Variants in ARMH4 observed in about 807,000 individuals in gnomAD.
ARMH4 encodes armadillo-like helical domain-containing protein 4.
Under a neutral mutation model 61.9 loss-of-function variants are expected in ARMH4, and 49 were observed. The observed-to-expected ratio is 0.79, with a 90% CI of 0.63 to 1.00. ARMH4 has a LOEUF of 1.00. Ranked by LOEUF, ARMH4 falls within the 50% of genes least tolerant of loss-of-function variation. ARMH4 has a pLI of 0.00. For synonymous variants in ARMH4, 368 were observed against 341.5 expected (o/e 1.08, Z -0.85); for missense variants, 934 against 930.0 (o/e 1.00, Z -0.06).
At chr14:58,042,923 A>G in intron 5 of ARMH4, among the ~76,000 whole-genome samples, 1 of 151,934 alleles carries the variant, frequency 6.6e-6, no homozygotes, top group East Asian at 1.9e-4. Flanking sequence ...AATAGAGACA[A>G]CTTCTCTATT....
chr14:58,126,196 T>C (rs746117373), intron 4 of ARMH4, among the ~76,000 whole-genome samples: 5 of 152,164 alleles, frequency 3.3e-5, no homozygotes, highest in Non-Finnish European at 7.4e-5. Flanking sequence ...ACTTAAACAA[T>C]GTATTTCCCA....
intron 4 of ARMH4, among the ~76,000 whole-genome samples, chr14:58,107,285 A>G (rs1886193865): frequency 6.6e-6 from 1 of 152,184 alleles, no homozygotes; most frequent in Admixed American, 6.5e-5. Context: ...CCTGTTCCCC[A>G]ACATCTGCTG....
intron 6 of ARMH4, among the ~76,000 whole-genome samples, chr14:58,009,366 G>A (rs538719141): frequency 1.4e-4 from 22 of 152,100 alleles, no homozygotes; most frequent in East Asian, 5.8e-4. Flanking sequence ...GCTAGAATAC[G>A]CACATAGCTA....
chr14:58,004,884 T>G, intron 7 of ARMH4, 80 bp from the exon 8 acceptor site: 1 of 1,539,708 alleles, frequency 6.5e-7, no homozygotes, highest in Non-Finnish European at 8.9e-7. Flanking sequence ...TTAAAAGACA[T>G]GCTAACAAAC....
At chr14:58,095,735 G>A (rs1390458515) in intron 5 of ARMH4, among the ~76,000 whole-genome samples, 1 of 152,142 alleles carries the variant, frequency 6.6e-6, no homozygotes, top group Non-Finnish European at 1.5e-5. Context: ...AATCTATAGA[G>A]TGCAACTCCC....
At chr14:58,141,553 G>A (rs759134451) in intron 1 of ARMH4, 108 of 516,544 alleles carry the variant, frequency 2.1e-4, no homozygotes, top group Non-Finnish European at 3.6e-4. Flanking sequence ...ATACAACTGC[G>A]ACGAGATGAT....
rs62003316 is a variant in ARMH4, at chr14:58,051,170, G to A, written c.2090-39020C>T. Among the ~76,000 whole-genome samples, 1,393 of 151,570 alleles carry A rather than the reference G, an allele frequency of 9.2e-3. 9 individuals carry two copies. Among genetic ancestry groups the A allele is most frequent in the Non-Finnish European group, 0.015 (1,026 of 67,926 alleles). On this transcript the variant is annotated intron_variant, in intron 5 of 7. Transcript: ENST00000267485. ...TATGTTCTTGCCAATGATCATCAAC[G>A]ATACAAAATCTGTGGCAACTTAGCA...
At chr14:58,135,842 A>G (rs1463433513) in intron 2 of ARMH4, among the ~76,000 whole-genome samples, 2 of 152,200 alleles carry the variant, frequency 1.3e-5, no homozygotes, top group African/African-American at 4.8e-5. Context: ...TACTTCAGAA[A>G]AATACTTATG....
At chr14:58,148,879 A>G (rs1594787049) in intron 1 of ARMH4, among the ~76,000 whole-genome samples, 2 of 151,008 alleles carry the variant, frequency 1.3e-5, no homozygotes, top group South Asian at 4.2e-4. Flanking sequence ...ACACACACAC[A>G]CGCAACAGAC....
In ARMH4 at chr14:58,124,416, G is replaced by A. The variant is rs187301189; in HGVS notation, c.1831+7096C>T. Among the ~76,000 whole-genome samples, 492 of 152,306 alleles carry A rather than the reference G, an allele frequency of 3.2e-3. 1 individual carries two copies. The highest frequency in any genetic ancestry group is 0.011 in the African/African-American group (471 of 41,570). On this transcript the variant is annotated intron_variant, in intron 4 of 7. Coordinates refer to ENST00000267485, the MANE Select transcript of ARMH4 (RefSeq NM_001001872.4). ...GCAAAGGGTTGGCCTCATTGTTTAC[G>A]GGTAGTAGCGGCAGTAGCAGTCTTA...
intron 2 of ARMH4, among the ~76,000 whole-genome samples, chr14:58,136,738 T>C (rs906016964): frequency 6.6e-6 from 1 of 152,170 alleles, no homozygotes; most frequent in African/African-American, 2.4e-5. Flanking sequence ...CCAATGTTGT[T>C]ATCTGTCCAA....
At chr14:58,027,921 G>A (rs1883079510) in intron 5 of ARMH4, among the ~76,000 whole-genome samples, 1 of 152,174 alleles carries the variant, frequency 6.6e-6, no homozygotes, top group Non-Finnish European at 1.5e-5. Context: ...TAGATTACTT[G>A]AAAGTTTCCT....
chr14:58,136,917 T>G (rs1303836037), intron 2 of ARMH4, among the ~76,000 whole-genome samples: 1 of 152,210 alleles, frequency 6.6e-6, no homozygotes, highest in Admixed American at 6.5e-5. Context: ...TGTTTTCTTT[T>G]TAGGAAAACA....
chr14:58,029,297 A>C (rs969556863), intron 5 of ARMH4, among the ~76,000 whole-genome samples: 2 of 151,730 alleles, frequency 1.3e-5, no homozygotes, highest in African/African-American at 2.4e-5. Flanking sequence ...GCAATGGCGC[A>C]ATCTCGGCTC....
chr14:58,006,622 CTAAG>C (rs1453159107), intron 6 of ARMH4, among the ~76,000 whole-genome samples: 1 of 152,134 alleles, frequency 6.6e-6, no homozygotes, highest in African/African-American at 2.4e-5. Flanking sequence ...CCTCAGCATA[CTAAG>C]TATTTTTCCC....
intron 4 of ARMH4, among the ~76,000 whole-genome samples, chr14:58,128,977 T>C (rs904406397): frequency 4.6e-5 from 7 of 152,222 alleles, no homozygotes; most frequent in South Asian, 2.1e-4. Flanking sequence ...TGTGAATAGA[T>C]TGGAGTCATG....
chr14:58,138,208 T>C lies in ARMH4; in HGVS notation c.1151A>G (p.His384Arg), dbSNP rs1887376618. ...THTGTALLIA[H>R]GNERSPAFTD... ...GAAAGCAGGTGATCTCTCATTCCCA[T>C]GCGCTATTAGCAGGGCTGTGCCCGT... Residue 384 changes from histidine (H) to arginine (R), a missense_variant, in exon 2 of 8, where the codon CAT (histidine) becomes CGT (arginine). Transcript: ENST00000267485. 1.9e-6 allele frequency: 3 copies of C among 1,614,214 alleles called. No homozygotes were observed. The highest frequency in any genetic ancestry group is 2.2e-5 in the East Asian group (1 of 44,878).
At chr14:58,148,846 T>TACACAC (rs138826141) in intron 1 of ARMH4, among the ~76,000 whole-genome samples, 1,931 of 145,810 alleles carry the variant, frequency 0.013, 24 homozygotes, top group East Asian at 0.014. Flanking sequence ...CAGAGTTTAT[T>TACACAC]ACACACACAC....
At chr14:58,059,584 T>C (rs1488175146) in intron 5 of ARMH4, among the ~76,000 whole-genome samples, 1 of 152,234 alleles carries the variant, frequency 6.6e-6, no homozygotes, top group Admixed American at 6.5e-5. Context: ...ATGGTTCAAC[T>C]AATACTTAAC....
Sources: gnomAD v4.1 joint callset for allele counts (sites outside exome capture counted in the v4.1 genomes callset) on GRCh38, gnomAD v4.1.1 for gene constraint, MANE v1.5 for transcripts, NCBI Gene and HGNC (gene_info 2026-07-23, HGNC 2026-07-21) for gene names.